Variants in CNBD1 observed in about 807,000 individuals in gnomAD.
The protein encoded by CNBD1 is cyclic nucleotide binding domain containing 1.
Under a neutral mutation model 54.4 loss-of-function variants are expected in CNBD1, and 71 were observed. That is an observed-to-expected ratio of 1.30 (90% CI 1.08 to 1.59). The LOEUF (loss-of-function observed/expected upper bound fraction) is 1.59, where lower values mean the gene tolerates loss of function less well. CNBD1 is among the 40% of genes most tolerant of loss of function. CNBD1 has a pLI of 0.00. For missense variants in CNBD1, 659 were observed against 518.0 expected (o/e 1.27, Z -2.64); for synonymous variants, 182 against 170.7 (o/e 1.07, Z -0.51).
At chr8:86,943,934 T>C (rs1807401564) in intron 4 of CNBD1, among the ~76,000 whole-genome samples, 1 of 152,026 alleles carries the variant, frequency 6.6e-6, no homozygotes. Context: ...GGTACAACAC[T>C]GGAATCAATC....
chr8:87,415,703 A>C (rs1807823309), intron 2 of CNBD1, among the ~76,000 whole-genome samples: 1 of 151,992 alleles, frequency 6.6e-6, no homozygotes, highest in African/African-American at 2.4e-5. Context: ...ATTCCTGTCC[A>C]AACTTCAAGA....
At chr8:86,981,042 G>A (rs1260000105) in intron 4 of CNBD1, among the ~76,000 whole-genome samples, 1 of 152,142 alleles carries the variant, frequency 6.6e-6, no homozygotes, top group African/African-American at 2.4e-5. Flanking sequence ...TGGAAAATTG[G>A]GCAAGCTTTG....
chr8:87,169,054 A>C lies in CNBD1; in HGVS notation c.432-36939A>C, dbSNP rs994228535. On this transcript the variant is annotated intron_variant, in intron 4 of 10. Transcript: ENST00000518476. ...TACTTTACATTCCCATTAACAGCATAACAGGGTTCCCTTTTCTCCATGTCC... is the reference window on the plus strand; with the variant it reads ...TACTTTACATTCCCATTAACAGCATCACAGGGTTCCCTTTTCTCCATGTCC... 8.5e-5 allele frequency among the ~76,000 whole-genome samples: 13 copies of C among 152,054 alleles called. 1 individual carries two copies. The highest frequency in any genetic ancestry group is 6.6e-4 in the Admixed American group (10 of 15,250).
intron 10 of CNBD1, among the ~76,000 whole-genome samples, chr8:87,354,719 C>A (rs189473591): frequency 6.6e-6 from 1 of 152,236 alleles, no homozygotes; most frequent in East Asian, 1.9e-4. Context: ...ATCCATGTCC[C>A]TACAAAGGAC....
At chr8:87,243,685 C>G (rs775464036) in intron 6 of CNBD1, among the ~76,000 whole-genome samples, 3 of 151,890 alleles carry the variant, frequency 2.0e-5, no homozygotes, top group Admixed American at 2.0e-4. Flanking sequence ...ACAAAATGAA[C>G]GGCAACTAGA....
At chr8:86,948,554 CA>C (rs1807524893) in intron 4 of CNBD1, among the ~76,000 whole-genome samples, 2 of 152,074 alleles carry the variant, frequency 1.3e-5, no homozygotes, top group African/African-American at 4.8e-5. Flanking sequence ...ATTTGCATGT[CA>C]TTTTTTTGAG....
At chr8:87,117,494 A>G (rs1436067631) in intron 4 of CNBD1, among the ~76,000 whole-genome samples, 1 of 152,148 alleles carries the variant, frequency 6.6e-6, no homozygotes, top group African/African-American at 2.4e-5. Flanking sequence ...GTTATTGACT[A>G]CAAAAGAGTA....
chr8:86,915,002 T>A (rs1809160776), intron 3 of CNBD1, among the ~76,000 whole-genome samples: 1 of 152,208 alleles, frequency 6.6e-6, no homozygotes, highest in Admixed American at 6.5e-5. Flanking sequence ...GTAGAGAGTT[T>A]AATACACGCA....
At chr8:86,912,567 T>C (rs1387985765) in intron 3 of CNBD1, among the ~76,000 whole-genome samples, 1 of 152,222 alleles carries the variant, frequency 6.6e-6, no homozygotes, top group Non-Finnish European at 1.5e-5. Context: ...AAATCTATTG[T>C]GCTGCCAGTT....
At chr8:86,973,428 G>C (rs1339066502) in intron 4 of CNBD1, among the ~76,000 whole-genome samples, 1 of 152,084 alleles carries the variant, frequency 6.6e-6, no homozygotes, top group Non-Finnish European at 1.5e-5. Flanking sequence ...TATTAAACTG[G>C]AATCTCTGTA....
rs1255096388 is a variant in CNBD1, at chr8:87,121,573, A to AT, written c.432-84418dup. ...TAGTTATTTTGAAATATACATTATT[A>AT]TTGACTATTGTCACCCTGCTATGCA... On this transcript the variant is annotated intron_variant, in intron 4 of 10. Transcript: ENST00000518476. 2.0e-5 allele frequency among the ~76,000 whole-genome samples: 3 copies of AT among 151,826 alleles called. No individual in the cohort carries two copies. In the South Asian group the frequency reaches 6.2e-4, roughly 31 times the overall value.
chr8:87,087,071 C>T lies in CNBD1; in HGVS notation c.432-118922C>T, dbSNP rs960440159. ...GTCCCCAAGAGGATGCAGTGTACTT[C>T]TTGGATTGATTTAAATTACAGGACT... On this transcript the variant is annotated intron_variant, in intron 4 of 10. Coordinates refer to ENST00000518476, the MANE Select transcript of CNBD1 (RefSeq NM_173538.3). Among the ~76,000 whole-genome samples, 33 of 150,456 alleles carry T rather than the reference C, an allele frequency of 2.2e-4. 1 individual carries two copies. The highest frequency in any genetic ancestry group is 8.1e-4 in the African/African-American group (33 of 40,932).
chr8:87,158,533 G>T (rs570582100), intron 4 of CNBD1, among the ~76,000 whole-genome samples: 12 of 152,186 alleles, frequency 7.9e-5, no homozygotes, highest in African/African-American at 2.9e-4. Flanking sequence ...CATTACTTTT[G>T]AACTCTGTTC....
At chr8:86,884,682 C>G (rs1263747586) in intron 1 of CNBD1, among the ~76,000 whole-genome samples, 1 of 152,176 alleles carries the variant, frequency 6.6e-6, no homozygotes, top group African/African-American at 2.4e-5. Flanking sequence ...GCTTCTTGTT[C>G]AGTACTTCAG....
intron 8 of CNBD1, among the ~76,000 whole-genome samples, chr8:87,329,202 G>A (rs1322258709): frequency 2.0e-5 from 3 of 152,156 alleles, no homozygotes; most frequent in East Asian, 3.9e-4. Flanking sequence ...CCTTTGTTCT[G>A]TTTTCAAGGA....
At chr8:87,392,002 G>T (rs1335538780) in intron 2 of CNBD1, among the ~76,000 whole-genome samples, 4 of 151,978 alleles carry the variant, frequency 2.6e-5, no homozygotes, top group Admixed American at 6.6e-5. Flanking sequence ...TTAATGAAGG[G>T]CAGGAATGGG....
chr8:86,999,188 C>T (rs536692396), intron 4 of CNBD1, among the ~76,000 whole-genome samples: 10 of 152,294 alleles, frequency 6.6e-5, no homozygotes, highest in African/African-American at 2.4e-4. Context: ...GCTCTTTTGC[C>T]TCTTCTCTCT....
chr8:87,153,799 G>A (rs2130751410), intron 4 of CNBD1, among the ~76,000 whole-genome samples: 1 of 152,294 alleles, frequency 6.6e-6, no homozygotes, highest in South Asian at 2.1e-4. Flanking sequence ...GATAACATTT[G>A]TAGACTATAC....
chr8:87,026,817 A>C (rs1241737641), intron 4 of CNBD1, among the ~76,000 whole-genome samples: 2 of 152,230 alleles, frequency 1.3e-5, no homozygotes, highest in Non-Finnish European at 2.9e-5. Context: ...CAGGAAGTTC[A>C]GCAAACAACA....
Sources: allele counts gnomAD v4.1 joint callset (sites outside exome capture counted in the v4.1 genomes callset), GRCh38; gene constraint gnomAD v4.1.1; transcripts MANE v1.5; gene names NCBI Gene and HGNC (gene_info 2026-07-23, HGNC 2026-07-21).